ARSG: variants seen among roughly 807,000 people sequenced by gnomAD.
ARSG encodes the protein arylsulfatase G.
In ARSG, 37 loss-of-function variants were observed where a neutral mutation model predicts 50.5. The observed-to-expected ratio is 0.73, with a 90% CI of 0.56 to 0.96. ARSG has a LOEUF of 0.96. Among genes scored for constraint, ARSG ranks in the 50% least tolerant of loss-of-function variants. The pLI is 0.00. For missense variants in ARSG, 629 were observed against 675.3 expected, an observed-to-expected ratio of 0.93 and a Z score of 0.76; for synonymous variants, 225 against 254.6, an observed-to-expected ratio of 0.88 and a Z score of 1.11.
intron 8 of ARSG, chr17:68,379,931 C>T (rs1269966656): frequency 1.7e-5 from 15 of 906,588 alleles, no homozygotes; most frequent in Middle Eastern, 5.7e-4. Context: ...ATAACTGTTC[C>T]CACAGCCCTG....
the ARSG span, among the ~76,000 whole-genome samples, chr17:68,430,768 G>C: frequency 6.6e-6 from 1 of 152,174 alleles, no homozygotes; most frequent in Non-Finnish European, 1.5e-5. Context: ...TGACTGTTCT[G>C]TTGGTGAGAG....
chr17:68,314,637 T>A (rs540117134), intron 2 of ARSG, among the ~76,000 whole-genome samples: 1 of 151,236 alleles, frequency 6.6e-6, no homozygotes, highest in East Asian at 1.9e-4. Flanking sequence ...ATGCCAGGAG[T>A]TCAAGGCTGC....
chr17:68,418,471 A>C (rs1426527517), intron 11 of ARSG, among the ~76,000 whole-genome samples: 1 of 152,208 alleles, frequency 6.6e-6, no homozygotes, highest in East Asian at 1.9e-4. Flanking sequence ...TCTACTGATC[A>C]ACTTGACTCT....
At chr17:68,294,314 C>A (rs2145312724) in intron 1 of ARSG, among the ~76,000 whole-genome samples, 1 of 152,354 alleles carries the variant, frequency 6.6e-6, no homozygotes, top group South Asian at 2.1e-4. Flanking sequence ...GGGTCATTTG[C>A]ATGAGAACAG....
chr17:68,419,264 T>C (rs1175193593), intron 11 of ARSG, among the ~76,000 whole-genome samples: 1 of 152,172 alleles, frequency 6.6e-6, no homozygotes, highest in Admixed American at 6.5e-5. Context: ...AAAGATACTT[T>C]AAAAAATTAT....
intron 6 of ARSG, among the ~76,000 whole-genome samples, chr17:68,366,192 G>A (rs1041998349): frequency 2.0e-5 from 3 of 151,964 alleles, no homozygotes; most frequent in Non-Finnish European, 2.9e-5. Flanking sequence ...GCCTGCCTCG[G>A]CCTCCCAAAG....
chr17:68,348,120 T>A (rs1242486744), intron 4 of ARSG, among the ~76,000 whole-genome samples: 5 of 152,168 alleles, frequency 3.3e-5, no homozygotes, highest in Non-Finnish European at 5.9e-5. Context: ...CTCATTCCTC[T>A]CCCTCTCCTC....
At chr17:68,311,624 G>T (rs2076857681) in intron 2 of ARSG, among the ~76,000 whole-genome samples, 1 of 152,032 alleles carries the variant, frequency 6.6e-6, no homozygotes, top group Non-Finnish European at 1.5e-5. Flanking sequence ...GAGAGATGGT[G>T]ACGTGAAGAT....
At chr17:68,370,386 G>A (rs1195874141) in intron 7 of ARSG, 58 bp from the exon 8 acceptor site, 1 of 1,509,228 alleles carries the variant, frequency 6.6e-7, no homozygotes, top group Non-Finnish European at 9.2e-7. Flanking sequence ...CAGAGTGGGA[G>A]GGTCAGCGAA....
At position 68,330,983 on chromosome 17, in the gene ARSG, G is replaced by A. The variant is rs934580632; in HGVS notation, c.219-12621G>A. 1.4e-3 allele frequency among the ~76,000 whole-genome samples: 125 copies of A among 89,482 alleles called. 2 individuals carry two copies. The highest frequency in any genetic ancestry group is 3.1e-3 in the Non-Finnish European group (104 of 33,980). The allele number at this position is 89,482 out of a possible 152,430, so 58.7% of individuals were successfully genotyped here. A position where few individuals can be genotyped will look rare whatever the true frequency, so the allele number is the denominator to read the frequency against. The stretch of plus-strand genomic sequence containing the variant: ...TCTTTATTTCTTTTTTTTTGCGGGG[G>A]GGGGGGGAGGTGGTGGGCGGGGACA... On this transcript the variant is annotated intron_variant, in intron 2 of 11. Transcript: ENST00000621439.
the ARSG span, chr17:68,429,050 C>T: frequency 1.3e-6 from 1 of 758,614 alleles, no homozygotes; most frequent in Non-Finnish European, 2.2e-6. Context: ...CTTTGACAAA[C>T]CCTTAGCCCA....
upstream of ARSG, among the ~76,000 whole-genome samples, chr17:68,287,516 C>T (rs560652531): frequency 3.3e-5 from 5 of 152,214 alleles, no homozygotes; most frequent in African/African-American, 1.2e-4. Context: ...GAAGTTAATT[C>T]CTTAGTTTTT....
rs2080451034 is a variant in ARSG, at chr17:68,381,926, C to T, written c.983-3138C>T. ...GGTGCTGGCTGTGTAGTCAGACCGG[C>T]GTTCACATCTTGGCTCTATCATTTT... On this transcript the variant is annotated intron_variant, in intron 8 of 11. Coordinates refer to ENST00000621439, the MANE Select transcript of ARSG (RefSeq NM_001267727.2). This position sits in a 1 kb window ranked among gnomAD's most constrained non-coding sequence, Gnocchi z 4.1. Among the ~76,000 whole-genome samples, 1 of 151,536 alleles carries T rather than the reference C, an allele frequency of 6.6e-6. No individual in the cohort carries two copies. Among genetic ancestry groups the T allele is most frequent in the Admixed American group, 6.6e-5 (1 of 15,206 alleles).
chr17:68,262,358 C>G (rs2075086234), intron 1 of ARSG, among the ~76,000 whole-genome samples: 1 of 151,866 alleles, frequency 6.6e-6, no homozygotes, highest in Non-Finnish European at 1.5e-5. Context: ...GTAGTCCCAG[C>G]TACTCGGGAG....
At chr17:68,279,740 T>C (rs78416778) in intron 1 of ARSG, among the ~76,000 whole-genome samples, 2,470 of 152,296 alleles carry the variant, frequency 0.016, 68 homozygotes, top group African/African-American at 0.057. Context: ...CTCTAGCACA[T>C]GAATACTGTC....
chr17:68,306,014 T>G (rs1447643975), intron 1 of ARSG, among the ~76,000 whole-genome samples: 1 of 152,038 alleles, frequency 6.6e-6, no homozygotes, highest in Admixed American at 6.5e-5. Context: ...TCTTCTTTTT[T>G]TTTTTGAGAT....
chr17:68,312,818 C>G (rs947251256), intron 2 of ARSG, among the ~76,000 whole-genome samples: 3 of 152,124 alleles, frequency 2.0e-5, no homozygotes, highest in Non-Finnish European at 1.5e-5. Flanking sequence ...CTTTCAGACA[C>G]GAACTCTTAT....
intron 1 of ARSG, among the ~76,000 whole-genome samples, chr17:68,265,685 T>C (rs2075144611): frequency 2.0e-5 from 3 of 148,478 alleles, no homozygotes. Flanking sequence ...CTGGAAACTG[T>C]GGTCCACAGG....
At chr17:68,409,946 T>C (rs1385844923) in intron 11 of ARSG, among the ~76,000 whole-genome samples, 6 of 150,250 alleles carry the variant, frequency 4.0e-5, no homozygotes, top group Admixed American at 6.6e-5. Flanking sequence ...TGTATAAGAA[T>C]GCTTGTAATT....
Sources: gnomAD v4.1 joint callset for allele counts (sites outside exome capture counted in the v4.1 genomes callset) on GRCh38, gnomAD v4.1.1 for gene constraint, Gnocchi (gnomAD v3.1) non-coding constraint, MANE v1.5 for transcripts, NCBI Gene and HGNC (gene_info 2026-07-23, HGNC 2026-07-21) for gene names.